Variants in CDH13 observed in about 807,000 individuals in gnomAD.
CDH13 encodes the protein cadherin-13.
A neutral mutation model predicts 63.8 loss-of-function variants in CDH13; 24 were observed. The ratio of observed to expected loss-of-function variants is 0.38; its 90% CI spans 0.27 to 0.53. CDH13 has a LOEUF of 0.53. Among genes scored for constraint, CDH13 ranks in the 20% least tolerant of loss-of-function variants. The pLI is 0.85. For synonymous variants in CDH13, 503 were observed against 355.3 expected (o/e 1.42, Z -4.67); for missense variants, 1,049 against 903.1 (o/e 1.16, Z -2.07).
At chr16:82,977,428 C>T (rs1475099346) in intron 2 of CDH13, among the ~76,000 whole-genome samples, 2 of 152,186 alleles carry the variant, frequency 1.3e-5, no homozygotes. Flanking sequence ...CCATAATCCC[C>T]ACGTGTAATG....
chr16:82,724,123 A>G (rs2032948687), intron 1 of CDH13, among the ~76,000 whole-genome samples: 1 of 152,136 alleles, frequency 6.6e-6, no homozygotes, highest in African/African-American at 2.4e-5. Flanking sequence ...AGATCCTACA[A>G]TTGTGCAGGG....
intron 1 of CDH13, among the ~76,000 whole-genome samples, chr16:82,720,745 A>G (rs1005611796): frequency 2.0e-5 from 3 of 151,950 alleles, no homozygotes; most frequent in Non-Finnish European, 4.4e-5. Flanking sequence ...TGATGTCTGG[A>G]TGTATTTATT....
chr16:83,330,637 CAG>C (rs1471222372), intron 5 of CDH13, among the ~76,000 whole-genome samples: 1 of 152,174 alleles, frequency 6.6e-6, no homozygotes, highest in Non-Finnish European at 1.5e-5. Flanking sequence ...GCCAGAAAAA[CAG>C]AGGCCAACTC....
intron 7 of CDH13, among the ~76,000 whole-genome samples, chr16:83,540,174 C>T (rs1323442434): frequency 1.3e-5 from 2 of 151,714 alleles, no homozygotes; most frequent in African/African-American, 4.9e-5. Context: ...AAGCCACTCT[C>T]CTGCTTCAGC....
rs371252543 is a variant in CDH13, at chr16:83,602,487, G to C, written c.994G>C (p.Glu332Gln). The change falls in exon 8 of 14, where the codon GAG becomes CAG. Residue 332 changes from glutamate to glutamine, a missense_variant. Glu to Gln is a conservative substitution (Grantham distance 29, BLOSUM62 2). Coordinates refer to ENST00000567109, the MANE Select transcript of CDH13 (RefSeq NM_001257.5). The stretch of plus-strand genomic sequence containing the variant: ...AAATCCCAAGTATGAACTGATCATC[G>C]AGGCTCAAGATATGGCTGGACTGGA... Reference protein sequence around the residue: ...LENPKYELIIEAQDMAGLDVG... With the variant: ...LENPKYELIIQAQDMAGLDVG... 150 of 1,613,682 alleles carry C rather than the reference G, an allele frequency of 9.3e-5. No individual in the cohort carries two copies. The highest frequency in any genetic ancestry group is 1.2e-4 in the Non-Finnish European group (143 of 1,179,810).
intron 7 of CDH13, among the ~76,000 whole-genome samples, chr16:83,585,960 G>A (rs1906115868): frequency 6.6e-6 from 1 of 152,200 alleles, no homozygotes; most frequent in South Asian, 2.1e-4. Context: ...TAGGAGCTAT[G>A]TGTCCCAGGA....
intron 1 of CDH13, among the ~76,000 whole-genome samples, chr16:82,783,245 A>C (rs1259559156): frequency 6.6e-6 from 1 of 152,174 alleles, no homozygotes; most frequent in Non-Finnish European, 1.5e-5. Flanking sequence ...AAGCTCCGTG[A>C]ACAGGTGCTC....
chr16:83,206,518 C>A (rs956105836), intron 4 of CDH13, among the ~76,000 whole-genome samples: 15 of 152,204 alleles, frequency 9.9e-5, no homozygotes, highest in Non-Finnish European at 2.1e-4. Context: ...CACATGCACC[C>A]GACAGTTTTG....
intron 10 of CDH13, among the ~76,000 whole-genome samples, chr16:83,719,580 G>A (rs759743583): frequency 1.3e-5 from 2 of 152,124 alleles, no homozygotes; most frequent in South Asian, 2.1e-4. Context: ...TACTAGGAGC[G>A]TAGCTACCGA....
chr16:83,408,756 C>G (rs1019716935), intron 6 of CDH13, among the ~76,000 whole-genome samples: 5 of 152,178 alleles, frequency 3.3e-5, no homozygotes, highest in Non-Finnish European at 7.3e-5. Flanking sequence ...TCAGTTAAAG[C>G]AAGTCAGCCT....
chr16:83,080,026 C>A lies in CDH13; in HGVS notation c.367-45359C>A, dbSNP rs146440011. Among the ~76,000 whole-genome samples the A allele has an allele frequency of 2.1e-3, 326 of 152,316 alleles. 2 individuals carry two copies. The highest frequency in any genetic ancestry group is 7.2e-3 in the African/African-American group (299 of 41,566). On this transcript the variant is annotated intron_variant, in intron 3 of 13. Coordinates refer to ENST00000567109, the MANE Select transcript of CDH13 (RefSeq NM_001257.5). ...AATAAAAATGACATATCTGTCTCAT[C>A]CCTTTTCAAGGAAGCTGAAGTGCCT...
At chr16:83,179,307 CA>C (rs2038250875) in intron 4 of CDH13, among the ~76,000 whole-genome samples, 1 of 151,974 alleles carries the variant, frequency 6.6e-6, no homozygotes, top group Non-Finnish European at 1.5e-5. Context: ...TTAAATCTCT[CA>C]ACCCTATCAG....
At chr16:83,154,332 G>A (rs2037116445) in intron 4 of CDH13, among the ~76,000 whole-genome samples, 1 of 152,000 alleles carries the variant, frequency 6.6e-6, no homozygotes, top group South Asian at 2.1e-4. Flanking sequence ...TGAGGCTGGG[G>A]GTTCACAAGG....
chr16:82,641,063 T>C (rs984450799), intron 1 of CDH13, among the ~76,000 whole-genome samples: 1 of 152,152 alleles, frequency 6.6e-6, no homozygotes, highest in Non-Finnish European at 1.5e-5. Flanking sequence ...AAGCCAACAG[T>C]GAATGTGTCA....
chr16:83,006,235 G>A (rs905042228), intron 2 of CDH13, among the ~76,000 whole-genome samples: 1 of 152,158 alleles, frequency 6.6e-6, no homozygotes, highest in Non-Finnish European at 1.5e-5. Context: ...AATAGCAAAT[G>A]ACCATGAGCT....
chr16:83,118,983 C>G (rs1322335050), intron 3 of CDH13, among the ~76,000 whole-genome samples: 1 of 152,198 alleles, frequency 6.6e-6, no homozygotes, highest in Non-Finnish European at 1.5e-5. Flanking sequence ...TGAAGAACTT[C>G]TTTCCATAGC....
At position 83,205,201 on chromosome 16, in the gene CDH13, G is replaced by A. The variant is rs551295139; in HGVS notation, c.484-12144G>A. Among the ~76,000 whole-genome samples, 28 of 152,352 alleles carry A rather than the reference G, an allele frequency of 1.8e-4. No homozygotes were observed. In the South Asian group the frequency reaches 5.6e-3, roughly 30 times the overall value. On this transcript the variant is annotated intron_variant, in intron 4 of 13. Transcript: ENST00000567109. ...ACAACCAAAGGCAAAGCCAAGGAGA[G>A]TGTTTTCAAAGGGCTCAGTGATCAG...
intron 6 of CDH13, among the ~76,000 whole-genome samples, chr16:83,403,448 C>A (rs2091998024): frequency 6.6e-6 from 1 of 151,936 alleles, no homozygotes; most frequent in Non-Finnish European, 1.5e-5. Flanking sequence ...ACGGTGAAAC[C>A]CCATCTCTAC....
At chr16:82,945,857 T>C (rs74625147) in intron 2 of CDH13, among the ~76,000 whole-genome samples, 1,540 of 152,282 alleles carry the variant, frequency 0.01, 26 homozygotes, top group African/African-American at 0.035. Context: ...AATACCTACC[T>C]AAAGACTCTT....
Sources: gnomAD v4.1 joint callset for allele counts (sites outside exome capture counted in the v4.1 genomes callset) on GRCh38, gnomAD v4.1.1 for gene constraint, MANE v1.5 for transcripts, NCBI Gene and HGNC (gene_info 2026-07-23, HGNC 2026-07-21) for gene names.